Variants in GAB2 observed in about 807,000 individuals in gnomAD.
The protein encoded by GAB2 is GRB2 associated binding protein 2.
GAB2 carries 26 observed loss-of-function variants against 65.5 expected under a neutral mutation model. That is an observed-to-expected ratio of 0.40 (90% CI 0.29 to 0.55). The LOEUF is 0.55. GAB2 is among the 20% of genes least tolerant of loss of function. The pLI is 0.53. For missense variants in GAB2, 884 were observed against 875.8 expected, an observed-to-expected ratio of 1.01 and a Z score of -0.12; for synonymous variants, 321 against 329.6, an observed-to-expected ratio of 0.97 and a Z score of 0.28.
chr11:78,335,459 G>A (rs150364476), intron 1 of GAB2, among the ~76,000 whole-genome samples: 74 of 152,214 alleles, frequency 4.9e-4, no homozygotes, highest in African/African-American at 1.7e-3. Context: ...TTCTGCATAC[G>A]GATATCCAGT....
intron 1 of GAB2, among the ~76,000 whole-genome samples, chr11:78,392,780 A>C: frequency 6.6e-6 from 1 of 152,116 alleles, no homozygotes. Context: ...CATTATTTGA[A>C]ATGTTACTTT....
intron 1 of GAB2, among the ~76,000 whole-genome samples, chr11:78,291,555 CTTTTTCTTTTTTTTTT>C (rs1260966920): frequency 2.7e-4 from 15 of 55,046 alleles, no homozygotes; most frequent in African/African-American, 5.1e-4. Flanking sequence ...TTACTTTTTT[CTTTTTCTTTTTTTTTT>C]TTTTTTTTTT....
At chr11:78,290,131 A>G (rs1411961985) in intron 1 of GAB2, among the ~76,000 whole-genome samples, 1 of 152,176 alleles carries the variant, frequency 6.6e-6, no homozygotes, top group Admixed American at 6.5e-5. Context: ...AGACAAGAAA[A>G]CAATTAAGAA....
intron 1 of GAB2, among the ~76,000 whole-genome samples, chr11:78,394,703 G>T (rs147209976): frequency 5.9e-5 from 9 of 152,274 alleles, no homozygotes; most frequent in African/African-American, 2.2e-4. Context: ...GTCTTCCCTG[G>T]GTCATACAGT....
At chr11:78,406,506 T>C (rs958841592) in intron 1 of GAB2, among the ~76,000 whole-genome samples, 3 of 152,088 alleles carry the variant, frequency 2.0e-5, no homozygotes, top group Admixed American at 1.3e-4. Context: ...GCCTCCGAAG[T>C]AGCTGGGATT....
intron 2 of GAB2, among the ~76,000 whole-genome samples, chr11:78,269,396 G>A (rs932646762): frequency 2.0e-5 from 3 of 152,204 alleles, no homozygotes; most frequent in African/African-American, 7.2e-5. Context: ...TCTGAGCAAG[G>A]CTTCTCCCTG....
At chr11:78,385,234 C>T (rs577961218) in intron 1 of GAB2, among the ~76,000 whole-genome samples, 1 of 152,282 alleles carries the variant, frequency 6.6e-6, no homozygotes, top group African/African-American at 2.4e-5. Flanking sequence ...AAACTTACAA[C>T]TTGTAAACAA....
At chr11:78,236,358 T>G (rs574146045) in intron 3 of GAB2, among the ~76,000 whole-genome samples, 18 of 152,352 alleles carry the variant, frequency 1.2e-4, no homozygotes, top group African/African-American at 4.3e-4. Context: ...GCCATGTTGC[T>G]CAGGCTGGTC....
chr11:78,257,978 A>G (rs577195393), intron 2 of GAB2, among the ~76,000 whole-genome samples: 2 of 152,288 alleles, frequency 1.3e-5, no homozygotes, highest in East Asian at 1.9e-4. Context: ...CAAGAGCCCT[A>G]TGAGGTGAAT....
chr11:78,283,330 CAA>C (rs1397126779), intron 1 of GAB2, among the ~76,000 whole-genome samples: 1 of 152,178 alleles, frequency 6.6e-6, no homozygotes, highest in Admixed American at 6.5e-5. Context: ...CATTTGTGCA[CAA>C]AGACATCACT....
chr11:78,237,063 G>T (rs1865002238), intron 3 of GAB2, among the ~76,000 whole-genome samples: 1 of 152,154 alleles, frequency 6.6e-6, no homozygotes, highest in Non-Finnish European at 1.5e-5. Flanking sequence ...CTCATAAAAT[G>T]AGCTGTGAAA....
intron 2 of GAB2, among the ~76,000 whole-genome samples, chr11:78,280,194 T>C (rs1866293870): frequency 6.6e-6 from 1 of 152,174 alleles, no homozygotes; most frequent in South Asian, 2.1e-4. Context: ...CTGTGCAGGA[T>C]GGCCTGAAAT....
At chr11:78,324,241 C>T (rs1855783253) in intron 1 of GAB2, among the ~76,000 whole-genome samples, 1 of 152,132 alleles carries the variant, frequency 6.6e-6, no homozygotes, top group African/African-American at 2.4e-5. Flanking sequence ...TTAGCAGCCT[C>T]CTCTTGTGCT....
At position 78,221,697 on chromosome 11, in the gene GAB2, C is replaced by T. The variant is rs1171272835; in HGVS notation, c.1741G>A (p.Glu581Lys). 8.7e-6 allele frequency: 14 copies of T among 1,612,484 alleles called. No individual in the cohort carries two copies. In the East Asian group the frequency reaches 8.9e-5, roughly 10 times the overall value. The change falls in exon 8 of 10, where the codon GAA becomes AAA. Residue 581 changes from glutamate (E) to lysine (K), a missense_variant. Transcript: ENST00000361507. ...CTCACCATAGGGACATAGTTCTCTT[C>T]GCTGTCTCCTGAGTCTGTGCTGGTG... ...SITSTDSGDS[E>K]ENYVPMQNPV...
intron 3 of GAB2, among the ~76,000 whole-genome samples, chr11:78,236,110 A>G (rs1449137227): frequency 1.3e-5 from 2 of 152,196 alleles, no homozygotes; most frequent in African/African-American, 4.8e-5. Flanking sequence ...TTAGGTCTTT[A>G]ATTTCTACCA....
At chr11:78,304,014 C>T (rs1464340405) in intron 1 of GAB2, among the ~76,000 whole-genome samples, 1 of 151,894 alleles carries the variant, frequency 6.6e-6, no homozygotes, top group African/African-American at 2.4e-5. Context: ...ACAAATGAGG[C>T]CCATGAATTA....
chr11:78,417,384 G>C, intron 1 of GAB2, among the ~76,000 whole-genome samples: 1 of 151,998 alleles, frequency 6.6e-6, no homozygotes, highest in East Asian at 1.9e-4. Context: ...TTCACGAGCA[G>C]ACCGGCTTGG....
At chr11:78,409,491 G>A (rs1857099110) in intron 1 of GAB2, among the ~76,000 whole-genome samples, 1 of 152,176 alleles carries the variant, frequency 6.6e-6, no homozygotes. Context: ...GGCTGAGGCA[G>A]GAGAATTGCT....
At chr11:78,379,442 T>C (rs953125758) in intron 1 of GAB2, among the ~76,000 whole-genome samples, 2 of 152,206 alleles carry the variant, frequency 1.3e-5, no homozygotes, top group Non-Finnish European at 2.9e-5. Context: ...AAATTCAAAA[T>C]AACAGGGAAA....
Sources: gnomAD v4.1 joint callset for allele counts (sites outside exome capture counted in the v4.1 genomes callset) on GRCh38, gnomAD v4.1.1 for gene constraint, MANE v1.5 for transcripts, NCBI Gene and HGNC (gene_info 2026-07-23, HGNC 2026-07-21) for gene names.